OSBP2: variants seen among roughly 807,000 people sequenced by gnomAD.
OSBP2 encodes the protein oxysterol-binding protein 2.
A neutral mutation model predicts 96.0 loss-of-function variants in OSBP2; 66 were observed. That is an observed-to-expected ratio of 0.69 (90% CI 0.56 to 0.84). OSBP2 has a LOEUF of 0.84. Among genes scored for constraint, OSBP2 ranks in the 40% least tolerant of loss-of-function variants. The pLI is 0.00. For missense variants in OSBP2, 1,038 were observed against 1,222.7 expected (o/e 0.85, Z 2.25); for synonymous variants, 525 against 520.9 (o/e 1.01, Z -0.11).
At chr22:30,873,852 G>A (rs1005801002) in intron 3 of OSBP2, among the ~76,000 whole-genome samples, 1 of 152,314 alleles carries the variant, frequency 6.6e-6, no homozygotes, top group Middle Eastern at 3.4e-3. Context: ...GCTGGGGCAG[G>A]CAGCTCTCTT....
intron 1 of OSBP2, among the ~76,000 whole-genome samples, chr22:30,704,483 G>A (rs893252470): frequency 3.3e-5 from 5 of 151,682 alleles, no homozygotes; most frequent in Admixed American, 6.6e-5. Context: ...TGTTTGGCAC[G>A]TACCCAAATT....
At chr22:30,845,426 A>T (rs969199441) in intron 2 of OSBP2, among the ~76,000 whole-genome samples, 1 of 152,138 alleles carries the variant, frequency 6.6e-6, no homozygotes, top group Admixed American at 6.5e-5. Context: ...TGCATCTCAG[A>T]AATTAAATAA....
At chr22:30,864,459 G>A (rs1569155917) in intron 2 of OSBP2, among the ~76,000 whole-genome samples, 1 of 152,118 alleles carries the variant, frequency 6.6e-6, no homozygotes, top group African/African-American at 2.4e-5. Flanking sequence ...GTGGGAAAGT[G>A]CCCAAGGCAG....
At chr22:30,842,451 A>C (rs1029067638) in intron 2 of OSBP2, among the ~76,000 whole-genome samples, 1 of 152,018 alleles carries the variant, frequency 6.6e-6, no homozygotes, top group South Asian at 2.1e-4. Context: ...GGTTGCAGCA[A>C]TTTCTGAAAA....
Position 30,889,610 on chromosome 22 carries a change from CG to C in OSBP2, c.1600del (p.Glu534SerfsTer9). 6.2e-7 allele frequency: 1 copy of C among 1,613,946 alleles called. No homozygotes were observed. The highest frequency in any genetic ancestry group is 8.5e-7 in the Non-Finnish European group (1 of 1,180,000). On this transcript the variant is annotated frameshift_variant, in exon 7 of 14. Coordinates refer to ENST00000332585, the MANE Select transcript of OSBP2 (RefSeq NM_030758.4). LOFTEE classifies it high-confidence loss of function. ...LWSIMKNCIG[R>X]ELSRIPMPVN... Reference sequence around the variant, plus strand: ...GAGCATCATGAAGAACTGCATCGGCCGGGAGCTCTCCAGGATCCCCATGCCG... The same window carrying C: ...GAGCATCATGAAGAACTGCATCGGCCGGAGCTCTCCAGGATCCCCATGCCG...
At chr22:30,696,815 G>A (rs1291175345) in intron 1 of OSBP2, among the ~76,000 whole-genome samples, 3 of 151,884 alleles carry the variant, frequency 2.0e-5, no homozygotes, top group Admixed American at 6.6e-5. Flanking sequence ...CACCATGCCC[G>A]GCTAATTTTT....
intron 1 of OSBP2, among the ~76,000 whole-genome samples, chr22:30,721,588 C>T (rs2145704663): frequency 6.6e-6 from 1 of 152,304 alleles, no homozygotes; most frequent in South Asian, 2.1e-4. Flanking sequence ...GTTTACCTGC[C>T]ATTCCTGCTT....
chr22:30,791,321 CTTTTTTTT>C (rs869143598), intron 2 of OSBP2, among the ~76,000 whole-genome samples: 9 of 64,008 alleles, frequency 1.4e-4, no homozygotes, highest in African/African-American at 3.7e-4. Context: ...GGGGATTCTT[CTTTTTTTT>C]TTTTTTTTTT....
intron 1 of OSBP2, among the ~76,000 whole-genome samples, chr22:30,730,789 TATATATATATATATATATAA>T (rs2089756824): frequency 3.9e-5 from 2 of 50,668 alleles, no homozygotes; most frequent in African/African-American, 1.0e-4. Context: ...TATATATATA[TATATATATATATATATATAA>T]TTTTTTTTTT....
rs1295605508 is a variant in OSBP2, at chr22:30,695,481, A to C, written c.572A>C (p.Lys191Thr). ...GACAGCTTCGAGGGCTGGCTTCTCA[A>C]GTGGACCAACTATCTGAAGGGCTAC... is the stretch of plus-strand genomic sequence containing the variant. The part of the protein sequence containing the change: ...PLDSFEGWLL[K>T]WTNYLKGYQR... The change falls in exon 1 of 14, where the codon AAG (lysine) becomes ACG (threonine). Residue 191 changes from lysine (K) to threonine (T), a missense_variant. Lys to Thr is a moderately conservative substitution (Grantham distance 78, BLOSUM62 -1). Transcript: ENST00000332585. 1.2e-6 allele frequency: 2 copies of C among 1,613,240 alleles called. No homozygotes were observed.
At chr22:30,787,614 G>A (rs2090611240) in intron 2 of OSBP2, among the ~76,000 whole-genome samples, 1 of 152,074 alleles carries the variant, frequency 6.6e-6, no homozygotes, top group Non-Finnish European at 1.5e-5. Context: ...TGGAGGTTTT[G>A]GTGAGCTGAG....
At chr22:30,734,864 C>T (rs923875983) in intron 1 of OSBP2, among the ~76,000 whole-genome samples, 5 of 152,062 alleles carry the variant, frequency 3.3e-5, no homozygotes, top group Non-Finnish European at 7.4e-5. Context: ...TAATTCCTTC[C>T]AAATAATGTA....
intron 5 of OSBP2, 83 bp from the exon 6 acceptor site, chr22:30,889,094 A>T (rs544151296): frequency 2.7e-5 from 32 of 1,193,074 alleles, no homozygotes; most frequent in Middle Eastern, 2.0e-4. Context: ...AATGAAAATG[A>T]TGTTGTCTGG....
chr22:30,775,453 C>CAA (rs773436557), intron 2 of OSBP2, among the ~76,000 whole-genome samples: 3 of 130,586 alleles, frequency 2.3e-5, no homozygotes, highest in East Asian at 2.2e-4. Context: ...ACTAAAAATA[C>CAA]AAAAAAAAAA....
At chr22:30,773,862 G>A (rs1374718897) in intron 2 of OSBP2, among the ~76,000 whole-genome samples, 1 of 152,174 alleles carries the variant, frequency 6.6e-6, no homozygotes, top group Non-Finnish European at 1.5e-5. Flanking sequence ...CTAAGCTAGA[G>A]AGGCACTCCA....
At chr22:30,784,784 T>TG (rs2090564725) in intron 2 of OSBP2, among the ~76,000 whole-genome samples, 1 of 151,904 alleles carries the variant, frequency 6.6e-6, no homozygotes, top group African/African-American at 2.4e-5. Context: ...CTCATTTTTT[T>TG]TTTTTTTGAG....
chr22:30,895,878 C>T (rs983790574), intron 12 of OSBP2, among the ~76,000 whole-genome samples: 3 of 142,976 alleles, frequency 2.1e-5, no homozygotes, highest in African/African-American at 5.2e-5. Flanking sequence ...GCAGAGGTTG[C>T]AGTGAGCCGA....
chr22:30,796,498 T>A (rs1234323646), intron 2 of OSBP2, among the ~76,000 whole-genome samples: 4 of 152,022 alleles, frequency 2.6e-5, no homozygotes, highest in Non-Finnish European at 5.9e-5. Flanking sequence ...TTAATTTTTT[T>A]TAATTATTTA....
intron 2 of OSBP2, among the ~76,000 whole-genome samples, chr22:30,775,455 A>T (rs1157153670): frequency 7.6e-6 from 1 of 132,172 alleles, no homozygotes; most frequent in Admixed American, 7.4e-5. Context: ...TAAAAATACA[A>T]AAAAAAAAAA....
Sources: allele counts gnomAD v4.1 joint callset (sites outside exome capture counted in the v4.1 genomes callset), GRCh38; gene constraint gnomAD v4.1.1; transcripts MANE v1.5; gene names NCBI Gene and HGNC (gene_info 2026-07-23, HGNC 2026-07-21).